TIMM17A: variants seen among roughly 807,000 people sequenced by gnomAD.
TIMM17A encodes translocase of inner mitochondrial membrane 17A.
In TIMM17A, 15 loss-of-function variants were observed where a neutral mutation model predicts 26.5. The ratio of observed to expected loss-of-function variants is 0.57; its 90% CI spans 0.38 to 0.87. The LOEUF is 0.87. Among genes scored for constraint, TIMM17A ranks in the 40% least tolerant of loss-of-function variants. The probability of loss-of-function intolerance (pLI) is 0.00; values close to 1 mark genes in which losing one functional copy is unlikely to be tolerated. For synonymous variants in TIMM17A, 80 were observed against 70.8 expected, an observed-to-expected ratio of 1.13 and a Z score of -0.66; for missense variants, 201 against 210.0, an observed-to-expected ratio of 0.96 and a Z score of 0.27.
chr1:201,957,396 G>A lies in TIMM17A; in HGVS notation c.126+16G>A. The A allele has an allele frequency of 6.2e-7, 1 of 1,605,572 alleles. No homozygotes were observed. The highest frequency in any genetic ancestry group is 8.5e-7 in the Non-Finnish European group (1 of 1,172,620). ...TTCTCCAGTGGTAAGTGGGTGAATG[G>A]TCTTATTTTATCATCACTTGCAACT... On this transcript the variant is annotated intron_variant, in intron 2 of 5. Coordinates refer to ENST00000367287, the MANE Select transcript of TIMM17A (RefSeq NM_006335.3).
intron 5 of TIMM17A, among the ~76,000 whole-genome samples, chr1:201,968,361 A>G (rs1682674738): frequency 6.6e-6 from 1 of 151,376 alleles, no homozygotes; most frequent in African/African-American, 2.4e-5. Flanking sequence ...AGTGGTTTTC[A>G]TCGGCTTATC....
intron 3 of TIMM17A, among the ~76,000 whole-genome samples, chr1:201,960,328 A>T (rs1472049982): frequency 6.6e-6 from 1 of 152,056 alleles, no homozygotes; most frequent in Non-Finnish European, 1.5e-5. Context: ...TGAGCCCGGG[A>T]GGCAGAGTTT....
At position 201,963,714 on chromosome 1, in the gene TIMM17A, G is replaced by A. The variant is rs149179579; in HGVS notation, c.289G>A (p.Ala97Thr). The A allele has an allele frequency of 1.2e-6, 2 of 1,610,592 alleles. No homozygotes were observed. Among genetic ancestry groups the A allele is most frequent in the Middle Eastern group, 1.7e-4 (1 of 5,978 alleles). ...EDPWNSITSG[A>T]LTGAILAARN... is the part of the protein sequence containing the mutation. ...TCCCTGGAACTCCATCACAAGTGGT[G>A]CCTTAACGGGAGCCATACTGGCAGC... The change falls in exon 4 of 6, where the codon GCC becomes ACC. Residue 97 changes from alanine (A) to threonine (T), a missense_variant. Physicochemically the swap from Ala to Thr is moderately conservative, Grantham distance 58 (BLOSUM62 0). Transcript: ENST00000367287.
At chr1:201,964,639 T>A (rs1488558893) in intron 4 of TIMM17A, among the ~76,000 whole-genome samples, 1 of 16,380 alleles carries the variant, frequency 6.1e-5, no homozygotes, top group Non-Finnish European at 2.1e-4. Context: ...TTATTTCTTT[T>A]TTTTTTTTTT....
chr1:201,959,024 G>A (rs1571603390), intron 3 of TIMM17A, among the ~76,000 whole-genome samples: 1 of 152,188 alleles, frequency 6.6e-6, no homozygotes, highest in Middle Eastern at 3.2e-3. Context: ...ATTCAAGAAT[G>A]ATGAGTGGTA....
intron 3 of TIMM17A, among the ~76,000 whole-genome samples, chr1:201,961,099 C>T (rs1179346172): frequency 1.4e-5 from 2 of 142,060 alleles, no homozygotes; most frequent in Admixed American, 1.5e-4. Flanking sequence ...GAATTTCGCT[C>T]TTGTTGCCCA....
At chr1:201,966,307 A>C (rs2102945617) in intron 5 of TIMM17A, among the ~76,000 whole-genome samples, 1 of 151,784 alleles carries the variant, frequency 6.6e-6, no homozygotes, top group Non-Finnish European at 1.5e-5. Context: ...GGTTGCAGTG[A>C]GCCGAGATCA....
Position 201,969,714 on chromosome 1 carries a change from G to A in TIMM17A, c.*160G>A, listed in dbSNP as rs1682698373. On this transcript the variant is annotated 3_prime_UTR_variant, in exon 6 of 6. Coordinates refer to ENST00000367287, the MANE Select transcript of TIMM17A (RefSeq NM_006335.3). ...CTTTTTTCTATTTAAAGGAACAAGCGGGGAAGGGTGCTAAAAGATAATACG... is the reference window on the plus strand; with the variant it reads ...CTTTTTTCTATTTAAAGGAACAAGCAGGGAAGGGTGCTAAAAGATAATACG... 1.1e-5 allele frequency: 6 copies of A among 537,018 alleles called. No homozygotes were observed. Among genetic ancestry groups the A allele is most frequent in the Middle Eastern group, 2.7e-4 (1 of 3,664 alleles). 33.3% of individuals were successfully genotyped at this position (537,018 alleles called of 1,614,324 possible).
At chr1:201,961,749 A>G (rs1682536872) in intron 3 of TIMM17A, among the ~76,000 whole-genome samples, 1 of 152,190 alleles carries the variant, frequency 6.6e-6, no homozygotes, top group African/African-American at 2.4e-5. Flanking sequence ...ATATCTATAC[A>G]TACTGAAAAT....
rs903766944 is a variant in TIMM17A at position 201,955,542 on chromosome 1, C to T, written c.16C>T (p.Arg6Ter). 3 of 1,614,130 alleles carry T rather than the reference C, an allele frequency of 1.9e-6. No individual in the cohort carries two copies. Among genetic ancestry groups the T allele is most frequent in the Admixed American group, 1.7e-5 (1 of 60,012 alleles). The change falls in exon 1 of 6, where the codon CGA becomes TGA. Residue 6 changes from arginine (R) to a stop codon, truncating the protein, a stop_gained. Transcript: ENST00000367287. LOFTEE classifies it high-confidence loss of function. MEEYA[R>*]EPCPWRIVDD... is the part of the protein sequence containing the mutation. ...TGGAGTCAAGATGGAGGAGTACGCG[C>T]GAGAGCCTTGGTGAGCTTCACCGCT...
rs1328068108 is a variant in TIMM17A at position 201,966,934 on chromosome 1, GTATATATGTTA to G, written c.430+1393_430+1403del. Among the ~76,000 whole-genome samples the G allele has an allele frequency of 1.3e-4, 19 of 142,546 alleles. No individual in the cohort carries two copies. In the East Asian group the frequency reaches 3.6e-3, roughly 27 times the overall value. 93.5% of individuals were successfully genotyped at this position (142,546 alleles called of 152,430 possible). A position where few individuals can be genotyped will look rare whatever the true frequency, so the allele number is the denominator to read the frequency against. On this transcript the variant is annotated intron_variant, in intron 5 of 5. Coordinates refer to ENST00000367287, the MANE Select transcript of TIMM17A (RefSeq NM_006335.3). ...TTATATAATATGTATGTTATATGTT[GTATATATGTTA>G]TGTATTATATATGTTATATATTATA...
intron 5 of TIMM17A, among the ~76,000 whole-genome samples, chr1:201,967,806 G>A (rs1484466344): frequency 1.3e-5 from 2 of 151,960 alleles, no homozygotes; most frequent in Non-Finnish European, 2.9e-5. Context: ...CAAAGTGCTG[G>A]GATTACAGGG....
intron 3 of TIMM17A, among the ~76,000 whole-genome samples, chr1:201,961,034 G>A (rs1319286705): frequency 2.6e-5 from 4 of 151,000 alleles, no homozygotes; most frequent in Non-Finnish European, 5.9e-5. Flanking sequence ...ACAGGCATGA[G>A]CCACCACGCC....
intron 5 of TIMM17A, among the ~76,000 whole-genome samples, chr1:201,966,836 C>T (rs1460225176): frequency 6.8e-6 from 1 of 146,700 alleles, no homozygotes; most frequent in African/African-American, 2.5e-5. Context: ...AGCAAGACTC[C>T]ATCTCAAAAA....
intron 3 of TIMM17A, among the ~76,000 whole-genome samples, chr1:201,958,899 G>C (rs1682474528): frequency 1.3e-5 from 2 of 152,178 alleles, no homozygotes; most frequent in Non-Finnish European, 2.9e-5. Flanking sequence ...TTTAGTTCCT[G>C]AGGGTTGAGG....
chr1:201,966,585 G>A (rs1682629300), intron 5 of TIMM17A, among the ~76,000 whole-genome samples: 2 of 152,072 alleles, frequency 1.3e-5, no homozygotes, highest in Non-Finnish European at 2.9e-5. Context: ...GCTCACACCT[G>A]TAATCCCAGC....
chr1:201,967,766 G>C (rs936105943), intron 5 of TIMM17A, among the ~76,000 whole-genome samples: 8 of 151,882 alleles, frequency 5.3e-5, no homozygotes, highest in Non-Finnish European at 1.2e-4. Context: ...AAACTCCTGG[G>C]CTCAAGCGAT....
Position 201,969,458 on chromosome 1 carries a change from C to G in TIMM17A, c.431-11C>G. ...GGTGATTTTTAAATCCTTTTTATTTCTCACTTGCAGGTCCTCAGTTTGCAG... is the reference window on the plus strand; with the variant it reads ...GGTGATTTTTAAATCCTTTTTATTTGTCACTTGCAGGTCCTCAGTTTGCAG... On this transcript the variant is annotated splice_polypyrimidine_tract_variant and intron_variant, in intron 5 of 5. Transcript: ENST00000367287. 6.2e-7 allele frequency: 1 copy of G among 1,604,770 alleles called. No individual in the cohort carries two copies. The highest frequency in any genetic ancestry group is 1.1e-5 in the South Asian group (1 of 90,288).
intron 4 of TIMM17A, among the ~76,000 whole-genome samples, chr1:201,964,330 T>C (rs1682584813): frequency 6.6e-6 from 1 of 152,190 alleles, no homozygotes; most frequent in Admixed American, 6.5e-5. Context: ...TCACCAGTAA[T>C]CTGGAGTTAA....
Sources: allele counts gnomAD v4.1 joint callset (sites outside exome capture counted in the v4.1 genomes callset), GRCh38; gene constraint gnomAD v4.1.1; transcripts MANE v1.5; gene names NCBI Gene and HGNC (gene_info 2026-07-23, HGNC 2026-07-21).